The following KCNN2 variants were observed in gnomAD, a reference collection of about 807,000 sequenced individuals.
The protein encoded by KCNN2 is potassium calcium-activated channel subfamily N member 2.
Under a neutral mutation model 55.5 loss-of-function variants are expected in KCNN2, and 24 were observed. The observed-to-expected ratio is 0.43, with a 90% CI of 0.31 to 0.61. KCNN2 has a LOEUF of 0.61. Ranked by LOEUF, KCNN2 falls within the 20% of genes least tolerant of loss-of-function variation. The pLI is 0.08. For synonymous variants in KCNN2, 431 were observed against 336.1 expected (o/e 1.28, Z -3.09); for missense variants, 754 against 853.6 (o/e 0.88, Z 1.45).
At chr5:114,210,228 G>A (rs1014994420) in intron 1 of KCNN2, among the ~76,000 whole-genome samples, 1 of 152,080 alleles carries the variant, frequency 6.6e-6, no homozygotes, top group African/African-American at 2.4e-5. Context: ...TGTTGGATAA[G>A]CTTCATTCAG....
Position 114,362,907 on chromosome 5 carries a change from C to T in KCNN2, c.768C>T (p.Gly256=). 1.9e-6 allele frequency: 3 copies of T among 1,590,778 alleles called. No homozygotes were observed. Among genetic ancestry groups the T allele is most frequent in the Non-Finnish European group, 2.6e-6 (3 of 1,176,410 alleles). Residue 256 remains glycine, a synonymous_variant, in exon 1 of 8, where the codon GGC becomes GGT. Coordinates refer to ENST00000673685, the MANE Select transcript of KCNN2 (RefSeq NM_021614.4). ...LQPPASVGGG[G]GASSPSAAAA... The stretch of plus-strand genomic sequence containing the variant: ...CCCCCGCGTCTGTCGGAGGAGGTGG[C>T]GGCGCGTCCTCCCCGTCTGCAGCCG...
chr5:114,225,294 G>T (rs1342353995), intron 2 of KCNN2, among the ~76,000 whole-genome samples: 2 of 152,032 alleles, frequency 1.3e-5, no homozygotes, highest in African/African-American at 4.8e-5. Context: ...GCAAGTCAAA[G>T]GTTTCTCCAT....
At chr5:114,476,374 T>C (rs375646603) in intron 5 of KCNN2, among the ~76,000 whole-genome samples, 5 of 152,238 alleles carry the variant, frequency 3.3e-5, no homozygotes, top group Admixed American at 2.6e-4. Context: ...CTGGAGTCTC[T>C]TGAGACCGGA....
At chr5:114,155,172 G>T (rs1439385635) in intron 1 of KCNN2, among the ~76,000 whole-genome samples, 1 of 152,182 alleles carries the variant, frequency 6.6e-6, no homozygotes, top group East Asian at 1.9e-4. Flanking sequence ...TTTCGCTAAA[G>T]ATAATGACCT....
chr5:114,141,745 C>T (rs535922420), intron 1 of KCNN2, among the ~76,000 whole-genome samples: 43 of 152,334 alleles, frequency 2.8e-4, no homozygotes, highest in African/African-American at 9.9e-4. Context: ...ACACTCCCAC[C>T]AGCAGTGTAA....
At chr5:114,065,389 G>A (rs1750424286) in intron 1 of KCNN2, among the ~76,000 whole-genome samples, 1 of 152,194 alleles carries the variant, frequency 6.6e-6, no homozygotes, top group African/African-American at 2.4e-5. Flanking sequence ...GCACCTATGT[G>A]TACATGAGGT....
At position 114,336,722 on chromosome 5, in the gene KCNN2, A is replaced by G. The variant is rs1756930664; in HGVS notation, c.-184-24223A>G. Among the ~76,000 whole-genome samples, 4 of 152,206 alleles carry G rather than the reference A, an allele frequency of 2.6e-5. No individual in the cohort carries two copies. The South Asian group carries it at 6.2e-4, about 24-fold the overall frequency. The stretch of plus-strand genomic sequence containing the variant: ...AAACAAATGCCTCTTTGAGAATGTA[A>G]TATTAATCTGAGGGCTGAATCATGA... On this transcript the variant is annotated intron_variant, in intron 2 of 10. Transcript: ENST00000512097.
At chr5:114,152,464 T>A (rs1561497687) in intron 1 of KCNN2, among the ~76,000 whole-genome samples, 1 of 152,222 alleles carries the variant, frequency 6.6e-6, no homozygotes, top group Non-Finnish European at 1.5e-5. Flanking sequence ...AATTTTTTAT[T>A]AGACTAGGAA....
chr5:114,382,748 T>C (rs151228606), intron 2 of KCNN2, among the ~76,000 whole-genome samples: 105 of 152,274 alleles, frequency 6.9e-4, no homozygotes, highest in African/African-American at 2.5e-3. Context: ...AAAAAACAAA[T>C]GGATGGATGG....
chr5:114,432,698 G>A (rs1259261690), intron 3 of KCNN2, among the ~76,000 whole-genome samples: 1 of 152,204 alleles, frequency 6.6e-6, no homozygotes, highest in African/African-American at 2.4e-5. Context: ...GCGCGAGCGG[G>A]AACCGGGGCT....
At chr5:114,080,904 G>T (rs768667533) in intron 1 of KCNN2, among the ~76,000 whole-genome samples, 3 of 152,136 alleles carry the variant, frequency 2.0e-5, no homozygotes, top group Non-Finnish European at 4.4e-5. Flanking sequence ...TCTGTTCAGA[G>T]ATGGTATGAT....
chr5:114,176,379 A>G (rs552263402), intron 1 of KCNN2, among the ~76,000 whole-genome samples: 2 of 152,260 alleles, frequency 1.3e-5, no homozygotes, highest in African/African-American at 4.8e-5. Flanking sequence ...ATAATCTGTT[A>G]TTCATGTCAA....
chr5:114,489,591 C>T (rs923880276), intron 6 of KCNN2, among the ~76,000 whole-genome samples: 1 of 152,132 alleles, frequency 6.6e-6, no homozygotes, highest in African/African-American at 2.4e-5. Flanking sequence ...CTAGGGGTTA[C>T]CGGGTTTCCA....
intron 2 of KCNN2, among the ~76,000 whole-genome samples, chr5:114,321,608 C>A (rs1756614214): frequency 1.3e-5 from 2 of 151,980 alleles, no homozygotes; most frequent in African/African-American, 4.8e-5. Context: ...GGACCTCTTG[C>A]CATCTCTTAC....
chr5:114,248,805 T>C (rs1455396947), intron 2 of KCNN2, among the ~76,000 whole-genome samples: 2 of 152,184 alleles, frequency 1.3e-5, no homozygotes, highest in Admixed American at 6.5e-5. Context: ...TATTAACAAA[T>C]TTTTTTAAGT....
chr5:114,328,405 G>C (rs1378762710), intron 2 of KCNN2, among the ~76,000 whole-genome samples: 1 of 152,124 alleles, frequency 6.6e-6, no homozygotes, highest in Non-Finnish European at 1.5e-5. Flanking sequence ...AGAAGGCATA[G>C]CCATTGCCCT....
chr5:114,357,359 TA>T (rs1268785988), upstream of KCNN2, among the ~76,000 whole-genome samples: 2 of 147,628 alleles, frequency 1.4e-5, no homozygotes, highest in Non-Finnish European at 3.0e-5. Context: ...GCAGCTTAGT[TA>T]CATATGTATA....
At chr5:114,150,185 C>T (rs1258379982) in intron 1 of KCNN2, among the ~76,000 whole-genome samples, 8 of 152,164 alleles carry the variant, frequency 5.3e-5, no homozygotes, top group African/African-American at 1.7e-4. Flanking sequence ...AGGAACATTT[C>T]GTCTTGTATT....
At chr5:114,304,203 C>G (rs2150023542) in intron 2 of KCNN2, among the ~76,000 whole-genome samples, 1 of 152,238 alleles carries the variant, frequency 6.6e-6, no homozygotes, top group East Asian at 1.9e-4. Context: ...CATAGCGGGC[C>G]AACCCATCTG....
Sources: allele counts gnomAD v4.1 joint callset (sites outside exome capture counted in the v4.1 genomes callset), GRCh38; gene constraint gnomAD v4.1.1; transcripts MANE v1.5; gene names NCBI Gene and HGNC (gene_info 2026-07-23, HGNC 2026-07-21).